The following TIMELESS variants were observed in gnomAD, a reference collection of about 807,000 sequenced individuals.
The protein encoded by TIMELESS is timeless circadian regulator, also known as protein timeless homolog.
A neutral mutation model predicts 164.3 loss-of-function variants in TIMELESS; 124 were observed. The observed-to-expected ratio is 0.75, with a 90% CI of 0.65 to 0.88. The LOEUF is 0.88. Ranked by LOEUF, TIMELESS falls within the 40% of genes least tolerant of loss-of-function variation. The probability of loss-of-function intolerance (pLI) is 0.00; values close to 1 mark genes in which losing one functional copy is unlikely to be tolerated. For synonymous variants in TIMELESS, 564 were observed against 563.4 expected, an observed-to-expected ratio of 1.00 and a Z score of -0.02; for missense variants, 1,422 against 1,491.4, an observed-to-expected ratio of 0.95 and a Z score of 0.77.
Position 56,421,738 on chromosome 12 carries a change from C to T in TIMELESS, c.2714G>A (p.Arg905Gln), listed in dbSNP as rs1167350557. Residue 905 changes from arginine (R) to glutamine (Q), a missense_variant, in exon 22 of 29, where the codon CGG (arginine) becomes CAG (glutamine). Arg to Gln is a conservative substitution (Grantham distance 43). Coordinates refer to ENST00000553532, the MANE Select transcript of TIMELESS (RefSeq NM_003920.5). ...LELQRLFEEFRDSDDVLGHIM... is the reference protein window; with the variant it reads ...LELQRLFEEFQDSDDVLGHIM... ...TCCAGCTTACTCACCATCTGAGTCCCGGAATTCCTCAAAAAGCCGCTGCAG... is the reference window on the plus strand; with the variant it reads ...TCCAGCTTACTCACCATCTGAGTCCTGGAATTCCTCAAAAAGCCGCTGCAG... The T allele has an allele frequency of 6.8e-6, 11 of 1,613,980 alleles. No individual in the cohort carries two copies. Among genetic ancestry groups the T allele is most frequent in the East Asian group, 4.5e-5 (2 of 44,892 alleles).
chr12:56,448,776 G>A (rs1275629540), intron 1 of TIMELESS, among the ~76,000 whole-genome samples: 1 of 152,140 alleles, frequency 6.6e-6, no homozygotes, highest in Admixed American at 6.5e-5. Context: ...GTCGAAGCAC[G>A]AATGGCAAAG....
Position 56,428,551 on chromosome 12 carries a change from TTGA to T in TIMELESS, c.1403_1405del (p.Ile468del). 2 of 1,613,962 alleles carry T rather than the reference TTGA, an allele frequency of 1.2e-6. No homozygotes were observed. The highest frequency in any genetic ancestry group is 8.5e-7 in the Non-Finnish European group (1 of 1,179,902). On this transcript the variant is annotated inframe_deletion, in exon 12 of 29. Coordinates refer to ENST00000553532, the MANE Select transcript of TIMELESS (RefSeq NM_003920.5). ...CGGGGACCAGGCCAGGGCCTCACTC[TTGA>T]TGATGCGGCTGCTCTCCCTCACAGC... is the stretch of plus-strand genomic sequence containing the variant.
intron 1 of TIMELESS, among the ~76,000 whole-genome samples, chr12:56,447,105 G>C (rs112375298): frequency 0.073 from 10,906 of 149,264 alleles, 1,322 homozygotes; most frequent in African/African-American, 0.25. Context: ...CGCCTCCCGG[G>C]TTCAAGTGAT....
intron 1 of TIMELESS, among the ~76,000 whole-genome samples, 188 bp downstream of exon 1, chr12:56,449,122 G>A (rs879328417): frequency 9.2e-5 from 14 of 152,272 alleles, no homozygotes; most frequent in African/African-American, 1.7e-4. Flanking sequence ...GGTGAGACCC[G>A]GGAACGCGGC....
intron 15 of TIMELESS, 62 bp from the exon 16 acceptor site, chr12:56,423,956 G>T (rs1295759042): frequency 1.4e-6 from 2 of 1,392,624 alleles, no homozygotes; most frequent in East Asian, 2.3e-5. Flanking sequence ...TTTATAATTC[G>T]AAGTAGAAGA....
Position 56,422,830 on chromosome 12 carries a change from G to A in TIMELESS, c.2438+17C>T, listed in dbSNP as rs759264800. On this transcript the variant is annotated intron_variant, in intron 19 of 28. Transcript: ENST00000553532. The stretch of plus-strand genomic sequence containing the variant: ...CTTCCCCTACCCCCACCCACCCTTT[G>A]CCAACTTCAAGCTCACCTGTCATCC... 1.5e-6 allele frequency: 1 copy of A among 680,492 alleles called. No homozygotes were observed. Among genetic ancestry groups the A allele is most frequent in the Admixed American group, 2.2e-5 (1 of 46,018 alleles). 42.2% of individuals were successfully genotyped at this position (680,492 alleles called of 1,614,324 possible).
chr12:56,420,881 C>A lies in TIMELESS; in HGVS notation c.3041G>T (p.Gly1014Val), dbSNP rs781623652. The part of the protein sequence containing the change: ...ENLGQSLHQE[G>V]FSIPLLWLQN... ...GAGCCATAGGAGCGGGATAGAAAAG[C>A]CTAAGGAAATGAGGGAAACTTACAT... Residue 1014 changes from glycine to valine, a missense_variant and splice_region_variant, in exon 25 of 29, where the codon GGC becomes GTC. Physicochemically the swap from Gly to Val is moderately radical, Grantham distance 109. Transcript: ENST00000553532. 1 of 1,614,092 alleles carries A rather than the reference C, an allele frequency of 6.2e-7. No individual in the cohort carries two copies. The highest frequency in any genetic ancestry group is 1.3e-5 in the African/African-American group (1 of 75,034).
chr12:56,435,349 ATCT>A (rs1882035393), intron 1 of TIMELESS, among the ~76,000 whole-genome samples: 1 of 151,628 alleles, frequency 6.6e-6, no homozygotes, highest in African/African-American at 2.4e-5. Context: ...CCAAAGAATC[ATCT>A]TCTTTTAAAA....
rs113125615 is a variant in TIMELESS at position 56,430,218 on chromosome 12, C to A, written c.973G>T (p.Ala325Ser). The change falls in exon 10 of 29, where the codon GCC becomes TCC. Residue 325 changes from alanine to serine, a missense_variant. Ala to Ser is a moderately conservative substitution (Grantham distance 99). Transcript: ENST00000553532. ...CGGCGCTGAATGGACAGCTCTCGGG[C>A]GGCCTGGCGACGTTTAGGCACCTTT... ...PKKVPKRRQAARELSIQRRSA... is the reference protein window; with the variant it reads ...PKKVPKRRQASRELSIQRRSA... 9.2e-5 allele frequency: 148 copies of A among 1,613,882 alleles called. No individual in the cohort carries two copies. The highest frequency in any genetic ancestry group is 1.2e-4 in the Non-Finnish European group (143 of 1,179,986).
At chr12:56,447,013 AT>A (rs763253463) in intron 1 of TIMELESS, among the ~76,000 whole-genome samples, 268 of 139,264 alleles carry the variant, frequency 1.9e-3, no homozygotes, top group Middle Eastern at 3.7e-3. Context: ...AATTCTTTTT[AT>A]TTTTTTTTTT....
rs772261936 is a variant in TIMELESS, at chr12:56,421,044, C to G, written c.2959G>C (p.Glu987Gln). The G allele has an allele frequency of 6.2e-6, 10 of 1,614,192 alleles. No homozygotes were observed. The highest frequency in any genetic ancestry group is 5.1e-6 in the Non-Finnish European group (6 of 1,180,030). The change falls in exon 24 of 29, where the codon GAA (glutamate) becomes CAA (glutamine). Residue 987 changes from glutamate to glutamine, a missense_variant. Physicochemically the swap from Glu to Gln is conservative, Grantham distance 29. Coordinates refer to ENST00000553532, the MANE Select transcript of TIMELESS (RefSeq NM_003920.5). ...LPEEDSEEEE[E>Q]GGSEAEQVQG... is the part of the protein sequence containing the mutation. Reference sequence around the variant, plus strand: ...ACTTGTTCTGCTTCTGAGCCCCCTTCTTCTTCCTCTTCGCTGTCTTCCTCA... The same window carrying G: ...ACTTGTTCTGCTTCTGAGCCCCCTTGTTCTTCCTCTTCGCTGTCTTCCTCA...
chr12:56,419,611 A>AGGCT (rs1257412915), intron 26 of TIMELESS, among the ~76,000 whole-genome samples: 4 of 151,952 alleles, frequency 2.6e-5, no homozygotes, highest in African/African-American at 4.8e-5. Context: ...TGTGGCTGTG[A>AGGCT]GGCTGCAAAG....
intron 26 of TIMELESS, among the ~76,000 whole-genome samples, chr12:56,418,596 G>T (rs1340888920): frequency 2.8e-5 from 4 of 140,898 alleles, no homozygotes; most frequent in Admixed American, 7.2e-5. Context: ...TTTTTTAAAT[G>T]AGAAGGGGTC....
At chr12:56,449,193 C>T (rs1332233347) in intron 1 of TIMELESS, 117 bp downstream of exon 1, 8 of 152,360 alleles carry the variant, frequency 5.3e-5, no homozygotes, top group Non-Finnish European at 1.0e-4. Context: ...CGAGCCCCGC[C>T]CCCTGGCTCT....
chr12:56,423,403 A>T lies in TIMELESS; in HGVS notation c.2163T>A (p.Thr721=). Residue 721 remains threonine, a synonymous_variant, in exon 18 of 29, where the codon ACT becomes ACA. Transcript: ENST00000553532. Reference sequence around the variant, plus strand: ...GCAGCATCTTCACAATGCAATGGTTAGTGTGGGCACTATTCTGCTGGTAGC... The same window carrying T: ...GCAGCATCTTCACAATGCAATGGTTTGTGTGGGCACTATTCTGCTGGTAGC... ...LRSYQQNSAH[T]NHCIVKMLHR... is the part of the protein sequence containing the mutation. 6.2e-7 allele frequency: 1 copy of T among 1,614,196 alleles called. No homozygotes were observed. The highest frequency in any genetic ancestry group is 8.5e-7 in the Non-Finnish European group (1 of 1,180,040).
rs1042287021 is a variant in TIMELESS at position 56,448,837 on chromosome 12, A to G, written c.-62+473T>C. On this transcript the variant is annotated intron_variant, in intron 1 of 28. Coordinates refer to ENST00000553532, the MANE Select transcript of TIMELESS (RefSeq NM_003920.5). ...TTCATTAGCGGCTGAGGTCCAGGTG[A>G]CAAACCCGAACAAGGCAACGAAGGG... Among the ~76,000 whole-genome samples, 3 of 152,366 alleles carry G rather than the reference A, an allele frequency of 2.0e-5. No individual in the cohort carries two copies. The Middle Eastern group carries it at 0.01, about 518-fold the overall frequency.
Position 56,417,987 on chromosome 12 carries a change from T to G in TIMELESS, c.3476A>C (p.Glu1159Ala), listed in dbSNP as rs200298344. 29 of 1,614,238 alleles carry G rather than the reference T, an allele frequency of 1.8e-5. No individual in the cohort carries two copies. The East Asian group carries it at 6.5e-4, about 36-fold the overall frequency. Residue 1159 changes from glutamate to alanine, a missense_variant, in exon 28 of 29, where the codon GAG becomes GCG. By Grantham distance (107) the Glu-to-Ala change is moderately radical (BLOSUM62 -1). Coordinates refer to ENST00000553532, the MANE Select transcript of TIMELESS (RefSeq NM_003920.5). ...SPEEEDAVGK[E>A]PLKAAPKKRQ... ...TTTCTTGGGTGCTGCCTTCAGCGGC[T>G]CTTTACCAACAGCGTCTTCCTCTGC...
rs1278475667 is a variant in TIMELESS, at chr12:56,417,189, T to C, written c.*527A>G. The C allele has an allele frequency of 1.3e-5, 2 of 159,764 alleles. No individual in the cohort carries two copies. Among genetic ancestry groups the C allele is most frequent in the Admixed American group, 1.2e-4 (2 of 17,074 alleles). 9.9% of individuals were successfully genotyped at this position (159,764 alleles called of 1,614,324 possible). A position where few individuals can be genotyped will look rare whatever the true frequency, so the allele number is the denominator to read the frequency against. On this transcript the variant is annotated 3_prime_UTR_variant, in exon 29 of 29. Transcript: ENST00000553532. ...CAAACACATTCATCATCTAGAGTACTATATTCCAACCCTATCTCAAATGCA... is the reference window on the plus strand; with the variant it reads ...CAAACACATTCATCATCTAGAGTACCATATTCCAACCCTATCTCAAATGCA...
In TIMELESS at chr12:56,421,003, G is replaced by A. The variant is rs750919014; in HGVS notation, c.3000C>T (p.Val1000=). The A allele has an allele frequency of 1.2e-5, 19 of 1,614,150 alleles. No individual in the cohort carries two copies. In the South Asian group the frequency reaches 1.9e-4, roughly 16 times the overall value. The change falls in exon 24 of 29, where the codon GTC becomes GTT. Residue 1000 remains valine (V), a synonymous_variant. Coordinates refer to ENST00000553532, the MANE Select transcript of TIMELESS (RefSeq NM_003920.5). Reference sequence around the variant, plus strand: ...TTTGACCAAGGTTTTCATTTGAAAGGACTAAGCTACCCTGGACTTGTTCTG... The same window carrying A: ...TTTGACCAAGGTTTTCATTTGAAAGAACTAAGCTACCCTGGACTTGTTCTG... ...SEAEQVQGSL[V]LSNENLGQSL...
Sources: gnomAD v4.1 joint callset for allele counts (sites outside exome capture counted in the v4.1 genomes callset) on GRCh38, gnomAD v4.1.1 for gene constraint, MANE v1.5 for transcripts, NCBI Gene and HGNC (gene_info 2026-07-23, HGNC 2026-07-21) for gene names.